MBOAT1: variants seen among roughly 807,000 people sequenced by gnomAD.
MBOAT1 encodes the protein membrane-bound glycerophospholipid O-acyltransferase 1.
A neutral mutation model predicts 64.4 loss-of-function variants in MBOAT1; 67 were observed. The observed-to-expected ratio is 1.04, with a 90% CI of 0.85 to 1.27. The LOEUF (loss-of-function observed/expected upper bound fraction) is 1.27, where lower values mean the gene tolerates loss of function less well. MBOAT1 is among the 50% of genes most tolerant of loss of function. The pLI is 0.00. For missense variants in MBOAT1, 563 were observed against 604.6 expected, an observed-to-expected ratio of 0.93 and a Z score of 0.72; for synonymous variants, 229 against 218.9, an observed-to-expected ratio of 1.05 and a Z score of -0.41.
chr6:20,208,321 C>T (rs375133876), intron 1 of MBOAT1, among the ~76,000 whole-genome samples: 96 of 151,918 alleles, frequency 6.3e-4, no homozygotes, highest in African/African-American at 2.2e-3. Context: ...TGGCGCGCTC[C>T]AGTAATCACA....
At chr6:20,192,049 T>A (rs909705497) in intron 1 of MBOAT1, among the ~76,000 whole-genome samples, 1 of 152,180 alleles carries the variant, frequency 6.6e-6, no homozygotes, top group East Asian at 1.9e-4. Context: ...AATTCTTTTT[T>A]TTAATTCCCA....
chr6:20,109,099 A>G (rs1182896050), intron 12 of MBOAT1, among the ~76,000 whole-genome samples: 3 of 151,782 alleles, frequency 2.0e-5, no homozygotes, highest in Non-Finnish European at 2.9e-5. Context: ...TTCCACATAT[A>G]CCCCTCCAAC....
chr6:20,202,181 GAAT>G, intron 1 of MBOAT1, among the ~76,000 whole-genome samples: 2 of 152,260 alleles, frequency 1.3e-5, no homozygotes, highest in East Asian at 3.9e-4. Context: ...GTCAGCCACA[GAAT>G]GATGAATGAA....
rs1759794770 is a variant in MBOAT1 at position 20,101,803 on chromosome 6, C to A, written c.*483G>T. 6.6e-6 allele frequency among the ~76,000 whole-genome samples: 1 copy of A among 152,100 alleles called. No individual in the cohort carries two copies. Among genetic ancestry groups the A allele is most frequent in the South Asian group, 2.1e-4 (1 of 4,826 alleles). On this transcript the variant is annotated 3_prime_UTR_variant, in exon 13 of 13. Coordinates refer to ENST00000324607, the MANE Select transcript of MBOAT1 (RefSeq NM_001080480.3). The stretch of plus-strand genomic sequence containing the variant: ...AATAACCTGGACATGGCCGATTAAT[C>A]TGTACAAAAAGGCTTTATAAAAATA...
In MBOAT1 at chr6:20,201,376, C is replaced by T. The variant is rs373853964; in HGVS notation, c.99+10760G>A. 3.0e-4 allele frequency among the ~76,000 whole-genome samples: 45 copies of T among 152,190 alleles called. 1 individual carries two copies. In the South Asian group the frequency reaches 7.1e-3, roughly 24 times the overall value. On this transcript the variant is annotated intron_variant, in intron 1 of 12. Transcript: ENST00000324607. Reference sequence around the variant, plus strand: ...GAAGGGAGGGAGGGAGGGAACCATACGCTATCACTTATGTCAGAAAATAAG... The same window carrying T: ...GAAGGGAGGGAGGGAGGGAACCATATGCTATCACTTATGTCAGAAAATAAG...
intron 3 of MBOAT1, among the ~76,000 whole-genome samples, chr6:20,148,222 T>C (rs1229712572): frequency 1.3e-5 from 2 of 152,182 alleles, no homozygotes; most frequent in African/African-American, 4.8e-5. Flanking sequence ...TTCAAGACCA[T>C]CCTGGCCAAC....
chr6:20,145,523 T>C (rs1233859300), intron 3 of MBOAT1, among the ~76,000 whole-genome samples: 2 of 152,200 alleles, frequency 1.3e-5, no homozygotes, highest in Non-Finnish European at 2.9e-5. Context: ...GTGTGTCAAA[T>C]GAATAAACAA....
intron 3 of MBOAT1, among the ~76,000 whole-genome samples, chr6:20,147,058 T>C (rs1761346214): frequency 6.6e-6 from 1 of 152,198 alleles, no homozygotes; most frequent in Non-Finnish European, 1.5e-5. Context: ...CTGATGGTTT[T>C]GTAAAGGGGA....
intron 1 of MBOAT1, among the ~76,000 whole-genome samples, chr6:20,184,677 A>C (rs1019298273): frequency 6.6e-6 from 1 of 151,986 alleles, no homozygotes; most frequent in Non-Finnish European, 1.5e-5. Flanking sequence ...GTACACCCTC[A>C]TTCCCTACAG....
At chr6:20,148,038 G>A (rs1188493268) in intron 3 of MBOAT1, among the ~76,000 whole-genome samples, 1 of 152,224 alleles carries the variant, frequency 6.6e-6, no homozygotes, top group Non-Finnish European at 1.5e-5. Flanking sequence ...TGATGCCTGT[G>A]ACTTCTGCCC....
At chr6:20,198,251 G>T (rs1292052061) in intron 1 of MBOAT1, among the ~76,000 whole-genome samples, 7 of 150,360 alleles carry the variant, frequency 4.7e-5, no homozygotes, top group African/African-American at 1.7e-4. Context: ...AAGAAAGAAA[G>T]AAAAAAGAAA....
At chr6:20,192,299 C>T (rs1762824343) in intron 1 of MBOAT1, among the ~76,000 whole-genome samples, 1 of 152,124 alleles carries the variant, frequency 6.6e-6, no homozygotes, top group Admixed American at 6.5e-5. Context: ...CCTTCTGCCT[C>T]ATCTTTTCTG....
At chr6:20,211,714 T>C (rs115323603) in intron 1 of MBOAT1, among the ~76,000 whole-genome samples, 3,364 of 152,200 alleles carry the variant, frequency 0.022, 129 homozygotes, top group African/African-American at 0.076. Context: ...TCAAAATCTA[T>C]AGACTACCGT....
intron 1 of MBOAT1, among the ~76,000 whole-genome samples, chr6:20,186,752 C>A (rs112507840): frequency 1.3e-5 from 2 of 152,172 alleles, no homozygotes; most frequent in African/African-American, 4.8e-5. Context: ...AGAGAGACAA[C>A]GTGTACTTCT....
chr6:20,106,659 T>G (rs1387967343), intron 12 of MBOAT1, among the ~76,000 whole-genome samples: 1 of 152,168 alleles, frequency 6.6e-6, no homozygotes, highest in African/African-American at 2.4e-5. Context: ...CCTGACCTCA[T>G]AATCCACTTG....
chr6:20,212,047 G>T, intron 1 of MBOAT1, 89 bp downstream of exon 1: 1 of 1,154,440 alleles, frequency 8.7e-7, no homozygotes, highest in Non-Finnish European at 1.3e-6. Context: ...ACGCCATGGA[G>T]GCGGAGGGAC....
chr6:20,176,315 C>T (rs995975906), intron 1 of MBOAT1, among the ~76,000 whole-genome samples: 1 of 151,882 alleles, frequency 6.6e-6, no homozygotes, highest in African/African-American at 2.4e-5. Context: ...CTATATCATA[C>T]AGGCCAATAG....
At chr6:20,110,304 C>T (rs1459494486) in intron 11 of MBOAT1, among the ~76,000 whole-genome samples, 1 of 151,342 alleles carries the variant, frequency 6.6e-6, no homozygotes, top group African/African-American at 2.4e-5. Context: ...CTTCAAACTC[C>T]TGGGCTCAAG....
At chr6:20,186,937 C>T (rs903005840) in intron 1 of MBOAT1, among the ~76,000 whole-genome samples, 1 of 152,168 alleles carries the variant, frequency 6.6e-6, no homozygotes, top group African/African-American at 2.4e-5. Flanking sequence ...AGCCTATAAA[C>T]ACGGTTAATG....
Sources: gnomAD v4.1 joint callset for allele counts (sites outside exome capture counted in the v4.1 genomes callset) on GRCh38, gnomAD v4.1.1 for gene constraint, MANE v1.5 for transcripts, NCBI Gene and HGNC (gene_info 2026-07-23, HGNC 2026-07-21) for gene names.